The following ARHGAP6 variants were observed in gnomAD, a reference collection of about 807,000 sequenced individuals.
ARHGAP6 encodes Rho GTPase activating protein 6.
ARHGAP6 carries 16 observed loss-of-function variants against 55.7 expected under a neutral mutation model. The observed-to-expected ratio is 0.29, with a 90% CI of 0.19 to 0.44. The LOEUF (loss-of-function observed/expected upper bound fraction) is 0.44. ARHGAP6 is among the 20% of genes least tolerant of loss of function. The pLI, the probability that ARHGAP6 is intolerant of heterozygous loss-of-function variation, is 1.00. For missense variants in ARHGAP6, 698 were observed against 808.9 expected (o/e 0.86, Z 1.66); for synonymous variants, 382 against 360.9 (o/e 1.06, Z -0.66).
At chrX:11,396,766 CT>C (rs34724861) in intron 1 of ARHGAP6, among the ~76,000 whole-genome samples, 24,619 of 110,178 alleles carry the variant, frequency 0.22, 2,088 homozygotes, top group Middle Eastern at 0.38. Context: ...TAAGCTCAGA[CT>C]TTTTTTTAAA....
intron 2 of ARHGAP6, among the ~76,000 whole-genome samples, chrX:11,252,364 T>A (rs917208922): frequency 8.9e-6 from 1 of 112,306 alleles, no homozygotes; most frequent in Non-Finnish European, 1.9e-5. Context: ...AAAGAATGTC[T>A]GTGCTTATTA....
intron 2 of ARHGAP6, among the ~76,000 whole-genome samples, chrX:11,209,855 G>A (rs1422537018): frequency 9.0e-6 from 1 of 111,582 alleles, no homozygotes; most frequent in African/African-American, 3.3e-5. Context: ...ACAACCTGAG[G>A]GTCACCACTG....
chrX:11,437,910 G>A (rs1020649447), intron 1 of ARHGAP6, among the ~76,000 whole-genome samples: 3 of 112,227 alleles, frequency 2.7e-5, no homozygotes, highest in African/African-American at 9.7e-5. Flanking sequence ...ATTCCGGGCA[G>A]AGCACAGACA....
At chrX:11,297,124 C>T (rs1346706922) in intron 1 of ARHGAP6, among the ~76,000 whole-genome samples, 1 of 111,968 alleles carries the variant, frequency 8.9e-6, no homozygotes, top group African/African-American at 3.2e-5. Flanking sequence ...TAAACTCTGA[C>T]CAGCTTGGTT....
At chrX:11,349,236 TA>T (rs1441338481) in intron 1 of ARHGAP6, among the ~76,000 whole-genome samples, 1 of 111,533 alleles carries the variant, frequency 9.0e-6, no homozygotes, top group Non-Finnish European at 1.9e-5. Context: ...GACAATGTGA[TA>T]AGAAGCACTC....
chrX:11,373,361 C>G (rs759570615), intron 1 of ARHGAP6, among the ~76,000 whole-genome samples: 1 of 108,907 alleles, frequency 9.2e-6, no homozygotes, highest in South Asian at 4.0e-4. Context: ...CACCAGCCCT[C>G]TCAAGTTCAT....
chrX:11,184,101 C>T (rs934798006), intron 5 of ARHGAP6, among the ~76,000 whole-genome samples: 15 of 111,863 alleles, frequency 1.3e-4, no homozygotes, highest in African/African-American at 4.9e-4. Context: ...TGGATCCAGC[C>T]GTGCCTAAAT....
chrX:11,444,788 C>G (rs189878651), intron 1 of ARHGAP6, among the ~76,000 whole-genome samples: 1 of 112,078 alleles, frequency 8.9e-6, no homozygotes, highest in Non-Finnish European at 1.9e-5. Flanking sequence ...AGGTACACAC[C>G]AGAGAACCAC....
At chrX:11,291,997 A>C (rs1791278499) in intron 1 of ARHGAP6, among the ~76,000 whole-genome samples, 1 of 111,463 alleles carries the variant, frequency 9.0e-6, no homozygotes, top group South Asian at 3.8e-4. Flanking sequence ...GGTTGGGGAG[A>C]GTAATAAATA....
intron 1 of ARHGAP6, among the ~76,000 whole-genome samples, chrX:11,331,357 C>T: frequency 9.0e-6 from 1 of 111,720 alleles, no homozygotes. Context: ...ACATGGCTGT[C>T]CACATATTGT....
chrX:11,410,139 G>C (rs774701558), intron 1 of ARHGAP6, among the ~76,000 whole-genome samples: 1 of 112,027 alleles, frequency 8.9e-6, no homozygotes, highest in African/African-American at 3.2e-5. Flanking sequence ...CCCACGAGAA[G>C]TGAAAGCATA....
chrX:11,360,408 CAT>C (rs2048993930), intron 1 of ARHGAP6, among the ~76,000 whole-genome samples: 1 of 110,058 alleles, frequency 9.1e-6, no homozygotes, highest in Admixed American at 9.6e-5. Flanking sequence ...ACAAAAACCA[CAT>C]GATTATCTCA....
intron 1 of ARHGAP6, among the ~76,000 whole-genome samples, chrX:11,556,528 G>A (rs777707590): frequency 2.3e-4 from 26 of 112,269 alleles, no homozygotes; most frequent in South Asian, 1.5e-3. Flanking sequence ...ATTCTTTGCC[G>A]ATTACAGAGT....
At chrX:11,386,736 T>C (rs1234045431) in intron 1 of ARHGAP6, among the ~76,000 whole-genome samples, 2 of 111,570 alleles carry the variant, frequency 1.8e-5, no homozygotes, top group Non-Finnish European at 3.8e-5. Context: ...GAGCATGTCA[T>C]CTAAGGATGG....
At chrX:11,211,621 G>T (rs973153430) in intron 2 of ARHGAP6, among the ~76,000 whole-genome samples, 28 of 110,290 alleles carry the variant, frequency 2.5e-4, no homozygotes, top group African/African-American at 8.9e-4. Flanking sequence ...TCAGCTCACT[G>T]CAACCTCTGC....
At chrX:11,394,121 A>C (rs752861399) in intron 1 of ARHGAP6, among the ~76,000 whole-genome samples, 25 of 112,100 alleles carry the variant, frequency 2.2e-4, no homozygotes, top group African/African-American at 8.1e-4. Context: ...AAATTTCAGC[A>C]AAAATAAATG....
intron 1 of ARHGAP6, among the ~76,000 whole-genome samples, chrX:11,408,137 A>G (rs1035928304): frequency 4.5e-5 from 5 of 111,190 alleles, no homozygotes; most frequent in African/African-American, 1.3e-4. Context: ...TCTTCTGTCC[A>G]TTAGTCAAAG....
chrX:11,442,083 TAC>T (rs1190945855), intron 1 of ARHGAP6, among the ~76,000 whole-genome samples: 25 of 111,877 alleles, frequency 2.2e-4, no homozygotes, highest in Non-Finnish European at 2.1e-4. Flanking sequence ...TATCTAGCTT[TAC>T]AGTTATTTAA....
chrX:11,273,076 T>C (rs562498515), intron 1 of ARHGAP6, among the ~76,000 whole-genome samples: 67 of 110,726 alleles, frequency 6.1e-4, no homozygotes, highest in Admixed American at 1.3e-3. Flanking sequence ...CATGCGCTGA[T>C]AGACCCAGGT....
Sources: gnomAD v4.1 joint callset for allele counts (sites outside exome capture counted in the v4.1 genomes callset) on GRCh38, gnomAD v4.1.1 for gene constraint, MANE v1.5 for transcripts, NCBI Gene and HGNC (gene_info 2026-07-23, HGNC 2026-07-21) for gene names.